PCDHA10: variants seen among roughly 807,000 people sequenced by gnomAD.
PCDHA10 encodes protocadherin alpha-10.
PCDHA10 carries 45 observed loss-of-function variants against 61.2 expected under a neutral mutation model. The observed-to-expected ratio is 0.74, with a 90% CI of 0.58 to 0.94. The LOEUF (loss-of-function observed/expected upper bound fraction) is 0.94. Among genes scored for constraint, PCDHA10 ranks in the 40% least tolerant of loss-of-function variants. The pLI is 0.00. For missense variants in PCDHA10, 1,278 were observed against 1,236.2 expected, an observed-to-expected ratio of 1.03 and a Z score of -0.51; for synonymous variants, 602 against 548.8, an observed-to-expected ratio of 1.10 and a Z score of -1.35.
intron 1 of PCDHA10, among the ~76,000 whole-genome samples, chr5:140,961,550 CT>C (rs571779587): frequency 6.6e-6 from 1 of 152,032 alleles, no homozygotes; most frequent in Admixed American, 6.6e-5. Context: ...TGCAGCATTT[CT>C]TTTTTTAAAT....
At chr5:140,929,391 A>T (rs1563116530) in intron 1 of PCDHA10, 3 of 1,511,404 alleles carry the variant, frequency 2.0e-6, no homozygotes, top group Non-Finnish European at 2.7e-6. Context: ...GTTTTGAAAT[A>T]TTTCTTAGAC....
intron 1 of PCDHA10, among the ~76,000 whole-genome samples, chr5:140,904,681 A>G (rs1562946233): frequency 6.6e-6 from 1 of 152,192 alleles, no homozygotes; most frequent in South Asian, 2.1e-4. Context: ...CATTCCCACC[A>G]GCAGTGTAAA....
intron 1 of PCDHA10, among the ~76,000 whole-genome samples, chr5:140,974,548 G>A (rs2096631054): frequency 6.6e-6 from 1 of 152,068 alleles, no homozygotes; most frequent in South Asian, 2.1e-4. Context: ...TTTTGCTCTT[G>A]TTGCCCAGGC....
chr5:140,914,769 T>C (rs2076832006), intron 1 of PCDHA10, among the ~76,000 whole-genome samples: 1 of 152,160 alleles, frequency 6.6e-6, no homozygotes, highest in South Asian at 2.1e-4. Flanking sequence ...ATGAGGTTTA[T>C]GACTTATCTT....
At position 140,857,550 on chromosome 5, in the gene PCDHA10, G is replaced by A; in HGVS notation, c.1502G>A (p.Arg501His). 4 of 1,596,852 alleles carry A rather than the reference G, an allele frequency of 2.5e-6. 1 individual carries two copies. The highest frequency in any genetic ancestry group is 3.4e-6 in the Non-Finnish European group (4 of 1,167,652). Residue 501 changes from arginine (R) to histidine (H), a missense_variant, in exon 1 of 4, where the codon CGC (arginine) becomes CAC (histidine). Physicochemically the swap from Arg to His is conservative, Grantham distance 29 (BLOSUM62 0). Coordinates refer to ENST00000307360, the MANE Select transcript of PCDHA10 (RefSeq NM_018901.4). ...YSLVERRLGE[R>H]SLSSYVSVHA... ...CTGGTGGAGCGGCGGTTGGGCGAGC[G>A]CTCGCTGTCGAGCTACGTGTCGGTG...
intron 1 of PCDHA10, among the ~76,000 whole-genome samples, chr5:140,960,401 G>C (rs1219932748): frequency 2.0e-5 from 3 of 151,956 alleles, no homozygotes; most frequent in African/African-American, 7.3e-5. Flanking sequence ...TGCAAGGGGG[G>C]GTGCCCAAAA....
At chr5:140,876,042 AT>A in intron 1 of PCDHA10, 1 of 1,613,902 alleles carries the variant, frequency 6.2e-7, no homozygotes, top group Non-Finnish European at 8.5e-7. Flanking sequence ...ATAAAAGTAT[AT>A]TGCCTGAATT....
rs962164938 is a variant in PCDHA10, at chr5:140,857,621, G to C, written c.1573G>C (p.Glu525Gln). 1.9e-6 allele frequency: 3 copies of C among 1,596,644 alleles called. No individual in the cohort carries two copies. The highest frequency in any genetic ancestry group is 4.5e-5 in the East Asian group (2 of 44,834). ...KVYALQPLDH[E>Q]ELELLQFQVS... is the part of the protein sequence containing the mutation. ...GTACGCGCTGCAGCCGCTGGACCAC[G>C]AGGAGCTGGAGCTGCTACAGTTCCA... Residue 525 changes from glutamate to glutamine, a missense_variant, in exon 1 of 4, where the codon GAG becomes CAG. Physicochemically the swap from Glu to Gln is conservative, Grantham distance 29 (BLOSUM62 2). Coordinates refer to ENST00000307360, the MANE Select transcript of PCDHA10 (RefSeq NM_018901.4).
chr5:140,960,628 T>C (rs1474502656), intron 1 of PCDHA10, among the ~76,000 whole-genome samples: 1 of 152,192 alleles, frequency 6.6e-6, no homozygotes, highest in Non-Finnish European at 1.5e-5. Context: ...TTTTGAAATA[T>C]ATTTTTAAAA....
chr5:140,871,354 C>A, intron 1 of PCDHA10: 1 of 1,614,210 alleles, frequency 6.2e-7, no homozygotes, highest in Non-Finnish European at 8.5e-7. Flanking sequence ...GTCATACTCG[C>A]AGCAGAGGCG....
intron 1 of PCDHA10, chr5:140,883,392 C>T (rs1554178015): frequency 1.9e-6 from 3 of 1,614,184 alleles, no homozygotes; most frequent in South Asian, 2.2e-5. Flanking sequence ...ATCAGTGTGT[C>T]CGATCGTGAC....
intron 1 of PCDHA10, among the ~76,000 whole-genome samples, chr5:140,885,682 A>G (rs1367880744): frequency 6.6e-6 from 1 of 152,194 alleles, no homozygotes; most frequent in Non-Finnish European, 1.5e-5. Flanking sequence ...TTCTATCTCA[A>G]GAAGCAATAG....
At chr5:140,870,426 C>T in intron 1 of PCDHA10, 2 of 1,614,208 alleles carry the variant, frequency 1.2e-6, no homozygotes, top group South Asian at 2.2e-5. Context: ...CCAGGGTATC[C>T]GTGGAGGTGG....
At chr5:141,002,565 G>A (rs782803550) in intron 3 of PCDHA10, among the ~76,000 whole-genome samples, 9 of 152,196 alleles carry the variant, frequency 5.9e-5, no homozygotes, top group Non-Finnish European at 2.9e-5. Flanking sequence ...ACCAGTTAGT[G>A]ACCATGTGAC....
intron 1 of PCDHA10, chr5:140,884,310 G>C (rs1562802595): frequency 1.2e-6 from 2 of 1,613,792 alleles, no homozygotes; most frequent in African/African-American, 2.7e-5. Context: ...GCTTCGTCGA[G>C]GGCGTCGGCA....
In PCDHA10 at chr5:140,882,891, A is replaced by T. The variant is rs782750187; in HGVS notation, c.2388+24455A>T. 1 of 1,614,230 alleles carries T rather than the reference A, an allele frequency of 6.2e-7. No individual in the cohort carries two copies. The highest frequency in any genetic ancestry group is 8.5e-7 in the Non-Finnish European group (1 of 1,180,042). On this transcript the variant is annotated intron_variant, in intron 1 of 3. Transcript: ENST00000307360. ...CTGGACAGAGAGGAAATTCAGGAAC[A>T]TAGTTTATTACTGACAGCCAGTGAT...
intron 1 of PCDHA10, among the ~76,000 whole-genome samples, chr5:140,892,286 C>A (rs2063458721): frequency 1.3e-5 from 2 of 152,136 alleles, no homozygotes; most frequent in South Asian, 4.1e-4. Flanking sequence ...TTAAACACTT[C>A]TTCCTGGAAA....
chr5:140,964,363 G>A (rs1050460842), intron 1 of PCDHA10, among the ~76,000 whole-genome samples: 1 of 152,188 alleles, frequency 6.6e-6, no homozygotes, highest in Non-Finnish European at 1.5e-5. Flanking sequence ...GATGACAAGA[G>A]TGCTGAAAGG....
chr5:140,868,737 T>C (rs1479223301), intron 1 of PCDHA10: 1 of 203,404 alleles, frequency 4.9e-6, no homozygotes, highest in African/African-American at 2.3e-5. Context: ...AATCGAGAAA[T>C]ACAATGCCAT....
Sources: gnomAD v4.1 joint callset for allele counts (sites outside exome capture counted in the v4.1 genomes callset) on GRCh38, gnomAD v4.1.1 for gene constraint, MANE v1.5 for transcripts, NCBI Gene and HGNC (gene_info 2026-07-23, HGNC 2026-07-21) for gene names.